ASXL2: variants seen among roughly 807,000 people sequenced by gnomAD.
The protein encoded by ASXL2 is ASXL transcriptional regulator 2.
A neutral mutation model predicts 122.0 loss-of-function variants in ASXL2; 23 were observed. That is an observed-to-expected ratio of 0.19 (90% CI 0.14 to 0.27). ASXL2 has a LOEUF of 0.27. Among genes scored for constraint, ASXL2 ranks in the 10% least tolerant of loss-of-function variants. The pLI, the probability that ASXL2 is intolerant of heterozygous loss-of-function variation, is 1.00. For synonymous variants in ASXL2, 650 were observed against 637.0 expected (o/e 1.02, Z -0.31); for missense variants, 1,518 against 1,713.8 (o/e 0.89, Z 2.02).
Position 25,741,879 on chromosome 2 carries a change from T to A in ASXL2, c.*150A>T. 1 of 727,728 alleles carries A rather than the reference T, an allele frequency of 1.4e-6. No homozygotes were observed. Among genetic ancestry groups the A allele is most frequent in the Non-Finnish European group, 2.2e-6 (1 of 455,082 alleles). 45.1% of individuals were successfully genotyped at this position (727,728 alleles called of 1,614,324 possible). A position where few individuals can be genotyped will look rare whatever the true frequency, so the allele number is the denominator to read the frequency against. On this transcript the variant is annotated 3_prime_UTR_variant, in exon 13 of 13. Coordinates refer to ENST00000435504, the MANE Select transcript of ASXL2 (RefSeq NM_018263.6). ...CTCTTCCTCTAAAATGTAAAAAATC[T>A]GTACTTTGTATTCCTGATTAAGTAA...
At chr2:25,768,603 T>G in intron 7 of ASXL2, 139 bp downstream of exon 7, 1 of 906,160 alleles carries the variant, frequency 1.1e-6, no homozygotes, top group East Asian at 2.7e-5. Context: ...CCTGGATTTA[T>G]ATTGATGTTT....
intron 2 of ASXL2, among the ~76,000 whole-genome samples, chr2:25,842,645 G>A (rs1424518349): frequency 6.6e-6 from 1 of 151,340 alleles, no homozygotes; most frequent in Admixed American, 6.6e-5. Context: ...GAGCCACTGC[G>A]CCCAGCCCAC....
chr2:25,845,171 G>A (rs2089634801), intron 2 of ASXL2: 2 of 316,032 alleles, frequency 6.3e-6, no homozygotes, highest in South Asian at 5.8e-5. Flanking sequence ...TAATGACCAA[G>A]TTTATTAAAT....
intron 1 of ASXL2, 24 bp downstream of exon 1, chr2:25,878,142 T>G: frequency 6.2e-7 from 1 of 1,613,402 alleles, no homozygotes. Flanking sequence ...CTCCCGGCCT[T>G]CCCCTTCGCT....
Position 25,743,986 on chromosome 2 carries a change from G to A in ASXL2, c.2351C>T (p.Ala784Val). Residue 784 changes from alanine (A) to valine (V), a missense_variant, in exon 13 of 13, where the codon GCC (alanine) becomes GTC (valine). Physicochemically the swap from Ala to Val is moderately conservative, Grantham distance 64. Coordinates refer to ENST00000435504, the MANE Select transcript of ASXL2 (RefSeq NM_018263.6). Reference protein sequence around the residue: ...QQTPPVPPTPAVSGACTSVPS... With the variant: ...QQTPPVPPTPVVSGACTSVPS... ...GACACTTGTGCATGCTCCACTGACG[G>A]CAGGTGTTGGAGGCACTGGGGGGGT... 3.1e-6 allele frequency: 5 copies of A among 1,614,014 alleles called. No homozygotes were observed. The highest frequency in any genetic ancestry group is 4.2e-6 in the Non-Finnish European group (5 of 1,179,884).
chr2:25,744,007 G>T lies in ASXL2; in HGVS notation c.2330C>A (p.Pro777His). Residue 777 changes from proline to histidine, a missense_variant, in exon 13 of 13, where the codon CCC becomes CAC. Pro to His is a moderately conservative substitution (Grantham distance 77). Transcript: ENST00000435504. This position sits in a 1 kb window ranked among gnomAD's most constrained non-coding sequence, Gnocchi z 4.7. Reference protein sequence around the residue: ...SVSGAQLQQTPPVPPTPAVSG... With the variant: ...SVSGAQLQQTHPVPPTPAVSG... ...GACGGCAGGTGTTGGAGGCACTGGG[G>T]GGGTTTGCTGTAGTTGTGCTCCAGA... 1 of 1,614,016 alleles carries T rather than the reference G, an allele frequency of 6.2e-7. No homozygotes were observed. Among genetic ancestry groups the T allele is most frequent in the Non-Finnish European group, 8.5e-7 (1 of 1,179,896 alleles).
intron 12 of ASXL2, among the ~76,000 whole-genome samples, chr2:25,749,076 A>G (rs2087990786): frequency 6.8e-6 from 1 of 147,556 alleles, no homozygotes; most frequent in East Asian, 1.9e-4. Flanking sequence ...GTAAACTCAA[A>G]TACCATGGCT....
intron 3 of ASXL2, among the ~76,000 whole-genome samples, chr2:25,817,963 C>T (rs541302424): frequency 6.6e-6 from 1 of 152,200 alleles, no homozygotes; most frequent in South Asian, 2.1e-4. Context: ...ATCATATCAC[C>T]AAAACTTTTA....
Position 25,753,614 on chromosome 2 carries a change from C to T in ASXL2, c.1062G>A (p.Val354=). The T allele has an allele frequency of 6.2e-7, 1 of 1,613,632 alleles. No homozygotes were observed. The highest frequency in any genetic ancestry group is 8.5e-7 in the Non-Finnish European group (1 of 1,179,806). Residue 354 remains valine, a synonymous_variant, in exon 11 of 13, where the codon GTG becomes GTA. Coordinates refer to ENST00000435504, the MANE Select transcript of ASXL2 (RefSeq NM_018263.6). ...SEGEFTPEMQ[V]RIRQEIEKEK... ...CCTTCTCAATCTCTTGTCGAATTCTCACCTGCATCTCAGGTGTAAACTCAC... is the reference window on the plus strand; with the variant it reads ...CCTTCTCAATCTCTTGTCGAATTCTTACCTGCATCTCAGGTGTAAACTCAC...
chr2:25,836,169 G>T (rs1027023831), intron 2 of ASXL2, among the ~76,000 whole-genome samples: 1 of 152,116 alleles, frequency 6.6e-6, no homozygotes, highest in African/African-American at 2.4e-5. Context: ...TTGAGCCCAA[G>T]AATTCAAGAT....
intron 1 of ASXL2, among the ~76,000 whole-genome samples, chr2:25,858,889 C>T (rs1221672370): frequency 1.4e-5 from 2 of 147,676 alleles, no homozygotes; most frequent in Non-Finnish European, 3.0e-5. Context: ...TCTCGGCTCA[C>T]TGGAACCTCC....
At chr2:25,752,315 T>C (rs747246836) in intron 11 of ASXL2, among the ~76,000 whole-genome samples, 1 of 152,192 alleles carries the variant, frequency 6.6e-6, no homozygotes, top group Non-Finnish European at 1.5e-5. Context: ...TGTCCCATTA[T>C]AATTTCACTG....
intron 3 of ASXL2, among the ~76,000 whole-genome samples, chr2:25,826,184 G>A (rs1242687874): frequency 6.6e-6 from 1 of 152,130 alleles, no homozygotes; most frequent in Admixed American, 6.5e-5. Flanking sequence ...AATCTGGGGG[G>A]CTCTTTGTTT....
Position 25,767,506 on chromosome 2 carries a change from C to A in ASXL2, c.775+77G>T, listed in dbSNP as rs2088372013. The A allele has an allele frequency of 2.7e-6, 4 of 1,491,452 alleles. 1 individual carries two copies. The highest frequency in any genetic ancestry group is 4.1e-5 in the Admixed American group (2 of 48,824). The allele number at this position is 1,491,452 out of a possible 1,614,324, so 92.4% of individuals were successfully genotyped here. A position where few individuals can be genotyped will look rare whatever the true frequency, so the allele number is the denominator to read the frequency against. On this transcript the variant is annotated intron_variant, in intron 8 of 12. Coordinates refer to ENST00000435504, the MANE Select transcript of ASXL2 (RefSeq NM_018263.6). ...AAATCTAAGTTATAAGTACCTAAGC[C>A]AGGTAGCTGATGAATTTCAAACATG... is the stretch of plus-strand genomic sequence containing the variant.
intron 1 of ASXL2, among the ~76,000 whole-genome samples, chr2:25,858,680 G>A (rs1253754910): frequency 1.3e-5 from 2 of 149,136 alleles, no homozygotes; most frequent in Admixed American, 1.3e-4. Flanking sequence ...CTGAGATCAC[G>A]CCACTGTACT....
chr2:25,803,913 G>A (rs759763907), intron 4 of ASXL2, among the ~76,000 whole-genome samples: 6 of 152,148 alleles, frequency 3.9e-5, no homozygotes, highest in Non-Finnish European at 8.8e-5. Flanking sequence ...GGTATGTGAG[G>A]AGAAACCTCC....
At chr2:25,836,543 A>G (rs1417664845) in intron 2 of ASXL2, among the ~76,000 whole-genome samples, 1 of 152,198 alleles carries the variant, frequency 6.6e-6, no homozygotes, top group Non-Finnish European at 1.5e-5. Context: ...AAAACATATA[A>G]CCTTAAATAC....
At chr2:25,877,553 G>GA (rs60025871) in intron 1 of ASXL2, among the ~76,000 whole-genome samples, 6,451 of 147,516 alleles carry the variant, frequency 0.044, 207 homozygotes, top group African/African-American at 0.082. Flanking sequence ...ACGGAAACAG[G>GA]AAAAAAAAAA....
chr2:25,762,665 GAAAAAAAAAAAAA>G (rs60065368), intron 8 of ASXL2, among the ~76,000 whole-genome samples: 1 of 34,256 alleles, frequency 2.9e-5, no homozygotes, highest in East Asian at 8.5e-4. Context: ...ACTCTTTCTC[GAAAAAAAAAAAAA>G]AAAAAAAAAA....
Sources: allele counts gnomAD v4.1 joint callset (sites outside exome capture counted in the v4.1 genomes callset), GRCh38; gene constraint gnomAD v4.1.1; non-coding constraint Gnocchi (gnomAD v3.1); transcripts MANE v1.5; gene names NCBI Gene and HGNC (gene_info 2026-07-23, HGNC 2026-07-21).